Variants in CD82 observed in about 807,000 individuals in gnomAD.
CD82 encodes the protein CD82 molecule.
A neutral mutation model predicts 37.4 loss-of-function variants in CD82; 36 were observed. The ratio of observed to expected loss-of-function variants is 0.96; its 90% CI spans 0.74 to 1.27. The LOEUF (loss-of-function observed/expected upper bound fraction) is 1.27, where lower values mean the gene tolerates loss of function less well. CD82 is among the 50% of genes most tolerant of loss of function. The pLI, the probability that CD82 is intolerant of heterozygous loss-of-function variation, is 0.00. For missense variants in CD82, 340 were observed against 347.0 expected, an observed-to-expected ratio of 0.98 and a Z score of 0.16; for synonymous variants, 158 against 137.4, an observed-to-expected ratio of 1.15 and a Z score of -1.05.
intron 1 of CD82, among the ~76,000 whole-genome samples, chr11:44,578,208 T>G (rs550696493): frequency 2.1e-4 from 32 of 151,616 alleles, no homozygotes; most frequent in Admixed American, 3.9e-4. Context: ...CCTTTTCCTC[T>G]GGACACCCAG....
chr11:44,592,816 C>T (rs1853164663), intron 2 of CD82, among the ~76,000 whole-genome samples: 1 of 152,178 alleles, frequency 6.6e-6, no homozygotes, highest in African/African-American at 2.4e-5. Flanking sequence ...CCTTGGAGCC[C>T]CCTAGACTGG....
At chr11:44,605,519 A>G (rs994746128) in intron 6 of CD82, 90 bp downstream of exon 6, 11 of 1,200,282 alleles carry the variant, frequency 9.2e-6, no homozygotes, top group Non-Finnish European at 1.4e-5. Flanking sequence ...GAACCCCCCC[A>G]GTTGTCACAG....
intron 6 of CD82, among the ~76,000 whole-genome samples, chr11:44,609,096 G>A (rs956918535): frequency 5.9e-5 from 9 of 152,166 alleles, no homozygotes; most frequent in Non-Finnish European, 1.0e-4. Flanking sequence ...ATCTGGGCAC[G>A]GTGCTAAGAT....
At chr11:44,577,148 C>T (rs2134626036) in intron 1 of CD82, among the ~76,000 whole-genome samples, 1 of 152,242 alleles carries the variant, frequency 6.6e-6, no homozygotes, top group East Asian at 1.9e-4. Context: ...GTTTCTGACT[C>T]CTGCCCAGGC....
intron 2 of CD82, among the ~76,000 whole-genome samples, chr11:44,593,562 G>T (rs1272176961): frequency 6.6e-6 from 1 of 152,224 alleles, no homozygotes; most frequent in Non-Finnish European, 1.5e-5. Context: ...GGGTCTTTTG[G>T]AGTGGAGGGG....
intron 4 of CD82, among the ~76,000 whole-genome samples, chr11:44,603,043 T>A (rs1448140859): frequency 6.6e-6 from 1 of 152,210 alleles, no homozygotes; most frequent in African/African-American, 2.4e-5. Flanking sequence ...ACGGCGGCTG[T>A]CTGGGCAATG....
At chr11:44,590,658 T>G (rs1046854746) in intron 2 of CD82, among the ~76,000 whole-genome samples, 2 of 144,232 alleles carry the variant, frequency 1.4e-5, no homozygotes, top group Admixed American at 6.9e-5. Context: ...GCTCAGAAGC[T>G]GTATAAAAAA....
intron 1 of CD82, among the ~76,000 whole-genome samples, chr11:44,568,205 G>C (rs1396681501): frequency 6.6e-6 from 1 of 152,158 alleles, no homozygotes; most frequent in Non-Finnish European, 1.5e-5. Flanking sequence ...ATGAACCAAT[G>C]GCTGCAGTGA....
intron 8 of CD82, 127 bp downstream of exon 8, chr11:44,618,492 C>A: frequency 9.4e-7 from 1 of 1,062,830 alleles, no homozygotes; most frequent in South Asian, 1.4e-5. Flanking sequence ...GTACCTTCAT[C>A]TACTTCTTTG....
In CD82 at chr11:44,597,528, C is replaced by A. The variant is rs987658953; in HGVS notation, c.64-2630C>A. On this transcript the variant is annotated intron_variant, in intron 3 of 9. Coordinates refer to ENST00000227155, the MANE Select transcript of CD82 (RefSeq NM_002231.4). This position sits in a 1 kb window ranked among gnomAD's most constrained non-coding sequence, Gnocchi z 4.1. ...CCACATCTGACCATCAGGCTGGGGTCATCAGACCTACAGAGGGACTGAATG... is the reference window on the plus strand; with the variant it reads ...CCACATCTGACCATCAGGCTGGGGTAATCAGACCTACAGAGGGACTGAATG... 9.9e-5 allele frequency among the ~76,000 whole-genome samples: 15 copies of A among 152,284 alleles called. No individual in the cohort carries two copies. Among genetic ancestry groups the A allele is most frequent in the Admixed American group, 9.8e-4 (15 of 15,292 alleles).
intron 7 of CD82, among the ~76,000 whole-genome samples, chr11:44,615,738 G>A (rs1362165251): frequency 1.3e-5 from 2 of 152,206 alleles, no homozygotes; most frequent in Non-Finnish European, 2.9e-5. Context: ...GGCTGCCTCT[G>A]GGGAAGGGCA....
intron 2 of CD82, among the ~76,000 whole-genome samples, chr11:44,594,172 C>G (rs932467254): frequency 1.6e-4 from 24 of 152,146 alleles, no homozygotes; most frequent in South Asian, 8.3e-4. Context: ...TTCTGAGAAG[C>G]CAAAATTCCC....
At chr11:44,618,106 G>A (rs2134697722) in intron 7 of CD82, 56 bp from the exon 8 acceptor site, 1 of 1,538,052 alleles carries the variant, frequency 6.5e-7, no homozygotes, top group South Asian at 1.1e-5. Context: ...TGCCAGGAGG[G>A]CAGCCTGCCT....
At chr11:44,604,518 G>A (rs2134672692) in intron 4 of CD82, 1 of 166,498 alleles carries the variant, frequency 6.0e-6, no homozygotes, top group Non-Finnish European at 1.3e-5. Context: ...GGGCAAGAAA[G>A]GCTGGTGTTT....
chr11:44,578,378 G>A (rs757616977), intron 1 of CD82, among the ~76,000 whole-genome samples: 2 of 152,118 alleles, frequency 1.3e-5, no homozygotes, highest in Non-Finnish European at 2.9e-5. Context: ...GACCACGATG[G>A]TGTTGCCACA....
intron 1 of CD82, among the ~76,000 whole-genome samples, chr11:44,584,307 A>C (rs1853022258): frequency 6.6e-6 from 1 of 152,076 alleles, no homozygotes; most frequent in Non-Finnish European, 1.5e-5. Flanking sequence ...TTGTTTTGAG[A>C]CAGAGTTTTG....
At chr11:44,584,279 A>G (rs1171879472) in intron 1 of CD82, among the ~76,000 whole-genome samples, 1 of 152,150 alleles carries the variant, frequency 6.6e-6, no homozygotes. Context: ...ACTGAAGCCT[A>G]GGATTCTGTT....
At chr11:44,617,320 A>AGGCC (rs751379316) in intron 7 of CD82, among the ~76,000 whole-genome samples, 3 of 152,304 alleles carry the variant, frequency 2.0e-5, no homozygotes, top group East Asian at 3.9e-4. Flanking sequence ...GCACTTTGGG[A>AGGCC]GGCCGAGGCG....
chr11:44,576,401 A>G (rs1342931006), intron 1 of CD82, among the ~76,000 whole-genome samples: 2 of 152,188 alleles, frequency 1.3e-5, no homozygotes, highest in Non-Finnish European at 2.9e-5. Context: ...AACTTACCCA[A>G]GTTCACAGAA....
Sources: gnomAD v4.1 joint callset for allele counts (sites outside exome capture counted in the v4.1 genomes callset) on GRCh38, gnomAD v4.1.1 for gene constraint, Gnocchi (gnomAD v3.1) non-coding constraint, MANE v1.5 for transcripts, NCBI Gene and HGNC (gene_info 2026-07-23, HGNC 2026-07-21) for gene names.